The following CACNG4 variants were observed in gnomAD, a reference collection of about 807,000 sequenced individuals.
The protein encoded by CACNG4 is calcium voltage-gated channel auxiliary subunit gamma 4.
Under a neutral mutation model 22.9 loss-of-function variants are expected in CACNG4, and 8 were observed. The observed-to-expected ratio is 0.35, with a 90% CI of 0.21 to 0.63. The LOEUF (loss-of-function observed/expected upper bound fraction) is 0.63. Ranked by LOEUF, CACNG4 falls within the 30% of genes least tolerant of loss-of-function variation. The pLI, the probability that CACNG4 is intolerant of heterozygous loss-of-function variation, is 0.72. For missense variants in CACNG4, 357 were observed against 455.4 expected (o/e 0.78, Z 1.97); for synonymous variants, 188 against 191.9 (o/e 0.98, Z 0.17).
chr17:66,969,509 G>A (rs2035191363), intron 1 of CACNG4, among the ~76,000 whole-genome samples: 2 of 152,230 alleles, frequency 1.3e-5, no homozygotes, highest in African/African-American at 2.4e-5. Flanking sequence ...GAACCTGAGA[G>A]TGAAGGAGTT....
intron 1 of CACNG4, among the ~76,000 whole-genome samples, chr17:67,012,027 T>C (rs1425172991): frequency 6.6e-6 from 1 of 152,096 alleles, no homozygotes; most frequent in East Asian, 1.9e-4. Flanking sequence ...CTTTTCTGTC[T>C]TGGGGAGAAA....
At chr17:67,003,190 C>T (rs2035418610) in intron 1 of CACNG4, among the ~76,000 whole-genome samples, 1 of 151,922 alleles carries the variant, frequency 6.6e-6, no homozygotes, top group Non-Finnish European at 1.5e-5. Context: ...AAAATGCATA[C>T]AATTGTTTAA....
intron 2 of CACNG4, chr17:67,019,913 G>C (rs1195845993): frequency 6.6e-6 from 1 of 152,310 alleles, no homozygotes; most frequent in African/African-American, 2.4e-5. Flanking sequence ...GCAGGAAGTA[G>C]ATGTTACAGT....
intron 1 of CACNG4, among the ~76,000 whole-genome samples, chr17:67,011,346 A>T (rs2143342461): frequency 6.6e-6 from 1 of 152,298 alleles, no homozygotes; most frequent in South Asian, 2.1e-4. Context: ...TGTTCCTGGA[A>T]GTGGACTCCA....
intron 1 of CACNG4, among the ~76,000 whole-genome samples, chr17:66,972,456 C>A (rs1406569554): frequency 1.3e-5 from 2 of 152,214 alleles, no homozygotes; most frequent in African/African-American, 4.8e-5. Flanking sequence ...CCTTCTCCAG[C>A]TGTGACAACC....
intron 3 of CACNG4, among the ~76,000 whole-genome samples, chr17:67,029,893 G>A (rs1348920296): frequency 4.6e-5 from 7 of 152,202 alleles, no homozygotes; most frequent in African/African-American, 1.2e-4. Context: ...AATGCACCCC[G>A]TGGTTGTACC....
intron 1 of CACNG4, among the ~76,000 whole-genome samples, chr17:67,002,841 T>C (rs2035416467): frequency 6.6e-6 from 1 of 152,154 alleles, no homozygotes; most frequent in Non-Finnish European, 1.5e-5. Flanking sequence ...TGAAGCTTAA[T>C]GAGTAAATGG....
chr17:67,003,408 T>C (rs944521900), intron 1 of CACNG4, among the ~76,000 whole-genome samples: 1 of 152,034 alleles, frequency 6.6e-6, no homozygotes, highest in Admixed American at 6.5e-5. Context: ...TTTTATCAAC[T>C]AGTAGCTCCT....
intron 1 of CACNG4, among the ~76,000 whole-genome samples, chr17:67,007,236 G>T (rs2035443197): frequency 6.6e-6 from 1 of 152,182 alleles, no homozygotes; most frequent in African/African-American, 2.4e-5. Flanking sequence ...GCACCTCAAT[G>T]ACTCTAAACT....
At chr17:67,015,993 T>C (rs1192633074) in intron 1 of CACNG4, among the ~76,000 whole-genome samples, 1 of 151,894 alleles carries the variant, frequency 6.6e-6, no homozygotes, top group Non-Finnish European at 1.5e-5. Flanking sequence ...CCCACCACCC[T>C]GAGGCCAGCC....
chr17:66,999,581 A>C (rs1228545070), intron 1 of CACNG4, among the ~76,000 whole-genome samples: 2 of 152,192 alleles, frequency 1.3e-5, no homozygotes, highest in South Asian at 2.1e-4. Context: ...GCGAGCGAAG[A>C]GGGAACTTCC....
intron 1 of CACNG4, 79 bp downstream of exon 1, chr17:66,965,210 GCGCA>G: frequency 2.6e-6 from 2 of 774,018 alleles, no homozygotes; most frequent in Non-Finnish European, 3.7e-6. Flanking sequence ...GCGCGCGCGC[GCGCA>G]CACACACACA....
At chr17:66,970,290 G>A (rs1236254099) in intron 1 of CACNG4, among the ~76,000 whole-genome samples, 1 of 152,176 alleles carries the variant, frequency 6.6e-6, no homozygotes, top group Non-Finnish European at 1.5e-5. Flanking sequence ...ATTTGGAAGG[G>A]GCAGGTAAGG....
Position 66,965,224 on chromosome 17 carries a change from A to G in CACNG4, c.220+93A>G, listed in dbSNP as rs1413489422. ...CGCGCGCGCGCGCGCACACACACAC[A>G]CGCGCACACACTGCCCGGCGCGCGG... On this transcript the variant is annotated intron_variant, in intron 1 of 3. Coordinates refer to ENST00000262138, the MANE Select transcript of CACNG4 (RefSeq NM_014405.4). The G allele has an allele frequency of 1.1e-4, 65 of 618,856 alleles. No homozygotes were observed. The East Asian group carries it at 1.1e-3, about 11-fold the overall frequency. The allele number at this position is 618,856 out of a possible 1,614,324, so 38.3% of individuals were successfully genotyped here. A position where few individuals can be genotyped will look rare whatever the true frequency, so the allele number is the denominator to read the frequency against.
intron 1 of CACNG4, among the ~76,000 whole-genome samples, chr17:66,982,121 G>A (rs1371722480): frequency 6.6e-6 from 1 of 152,194 alleles, no homozygotes. Context: ...CCCAAAGAGT[G>A]AGCAGCAGCT....
intron 1 of CACNG4, among the ~76,000 whole-genome samples, chr17:67,014,943 CAAA>C (rs1163062678): frequency 2.1e-5 from 2 of 95,334 alleles, no homozygotes. Flanking sequence ...TCTCCAAAAA[CAAA>C]AAAAAAAAAA....
In CACNG4 at chr17:67,032,201, A is replaced by G. The variant is rs1196877603; in HGVS notation, c.*1197A>G. ...CCGAGCTGGGCTTCTCTTCCTCCCT[A>G]CAGAGGGGAGATCTCAGCACTTTGT... On this transcript the variant is annotated 3_prime_UTR_variant, in exon 4 of 4. Coordinates refer to ENST00000262138, the MANE Select transcript of CACNG4 (RefSeq NM_014405.4). The G allele has an allele frequency of 2.8e-6, 1 of 359,158 alleles. No homozygotes were observed. The highest frequency in any genetic ancestry group is 2.1e-5 in the African/African-American group (1 of 46,746). 22.2% of individuals were successfully genotyped at this position (359,158 alleles called of 1,614,324 possible). A position where few individuals can be genotyped will look rare whatever the true frequency, so the allele number is the denominator to read the frequency against.
intron 1 of CACNG4, among the ~76,000 whole-genome samples, chr17:67,001,675 G>A (rs532859195): frequency 4.6e-5 from 7 of 152,322 alleles, no homozygotes; most frequent in African/African-American, 1.7e-4. Context: ...ATGTGTCAGC[G>A]CTGATTTGAA....
At chr17:66,968,997 C>G (rs1245132875) in intron 1 of CACNG4, among the ~76,000 whole-genome samples, 1 of 151,952 alleles carries the variant, frequency 6.6e-6, no homozygotes, top group Non-Finnish European at 1.5e-5. Context: ...TTTGGTGACA[C>G]CCAGCCAAGC....
Sources: gnomAD v4.1 joint callset for allele counts (sites outside exome capture counted in the v4.1 genomes callset) on GRCh38, gnomAD v4.1.1 for gene constraint, MANE v1.5 for transcripts, NCBI Gene and HGNC (gene_info 2026-07-23, HGNC 2026-07-21) for gene names.